Variants in STK11 observed in about 807,000 individuals in gnomAD.
STK11 encodes serine/threonine-protein kinase STK11.
Under a neutral mutation model 47.3 loss-of-function variants are expected in STK11, and 8 were observed. That is an observed-to-expected ratio of 0.17 (90% CI 0.10 to 0.31). The LOEUF (loss-of-function observed/expected upper bound fraction) is 0.31. STK11 is among the 10% of genes least tolerant of loss of function. The pLI, the probability that STK11 is intolerant of heterozygous loss-of-function variation, is 1.00. For synonymous variants in STK11, 330 were observed against 255.8 expected, an observed-to-expected ratio of 1.29 and a Z score of -2.77; for missense variants, 475 against 605.0, an observed-to-expected ratio of 0.79 and a Z score of 2.25.
At chr19:1,225,461 G>C (rs1193236221) in intron 8 of STK11, 1 of 831,730 alleles carries the variant, frequency 1.2e-6, no homozygotes, top group African/African-American at 1.8e-5. Flanking sequence ...GTAGAGACGG[G>C]GGTTTCACCA....
At chr19:1,221,873 G>A (rs2080786707) in intron 6 of STK11, 76 bp from the exon 7 acceptor site, 1 of 1,511,682 alleles carries the variant, frequency 6.6e-7, no homozygotes. Context: ...GACAACAGAG[G>A]CTGGGCAGGC....
rs759751510 is a variant in STK11, at chr19:1,207,159, G to A, written c.246G>A (p.Lys82=). The change falls in exon 1 of 10, where the codon AAG becomes AAA. Residue 82 remains lysine (K), a synonymous_variant. Transcript: ENST00000326873. The part of the protein sequence containing the change: ...LCRRAVKILK[K]KKLRRIPNGE... ...GGAGGGCCGTCAAGATCCTCAAGAA[G>A]AAGAAGTTGCGAAGGATCCCCAACG... 9 of 1,612,344 alleles carry A rather than the reference G, an allele frequency of 5.6e-6. No homozygotes were observed. Among genetic ancestry groups the A allele is most frequent in the South Asian group, 2.2e-5 (2 of 90,818 alleles).
At chr19:1,217,671 A>G (rs1462617155) in intron 1 of STK11, among the ~76,000 whole-genome samples, 3 of 151,920 alleles carry the variant, frequency 2.0e-5, no homozygotes, top group South Asian at 2.1e-4. Flanking sequence ...GCCCCTTCCT[A>G]TGGGCCATCC....
At chr19:1,226,337 G>A (rs1049897276) in intron 8 of STK11, 117 bp from the exon 9 acceptor site, 2 of 1,499,460 alleles carry the variant, frequency 1.3e-6, no homozygotes, top group African/African-American at 2.8e-5. Context: ...TGACCCGGGG[G>A]CGGGCATGGC....
At chr19:1,222,865 A>T in intron 7 of STK11, 120 bp from the exon 8 acceptor site, 1 of 1,210,864 alleles carries the variant, frequency 8.3e-7, no homozygotes, top group Non-Finnish European at 1.1e-6. Context: ...CACCCCTTGC[A>T]CGGCCTGGTC....
chr19:1,206,342 G>T lies in STK11; in HGVS notation c.-572G>T, dbSNP rs2080664798. On this transcript the variant is annotated 5_prime_UTR_variant, in exon 1 of 10. Transcript: ENST00000326873. ...CGCCCCCCGGGAGGTCCGCTCGGTC[G>T]TCCGCGGCGGAGCGTTTGCTCCTGG... The T allele has an allele frequency of 4.3e-6, 1 of 230,240 alleles. No homozygotes were observed. The highest frequency in any genetic ancestry group is 8.6e-6 in the Non-Finnish European group (1 of 116,226). The allele number at this position is 230,240 out of a possible 1,614,324, so 14.3% of individuals were successfully genotyped here. A position where few individuals can be genotyped will look rare whatever the true frequency, so the allele number is the denominator to read the frequency against.
At chr19:1,221,865 C>T in intron 6 of STK11, 84 bp from the exon 7 acceptor site, 1 of 1,500,870 alleles carries the variant, frequency 6.7e-7, no homozygotes, top group East Asian at 2.5e-5. Context: ...CAGGGCCTGA[C>T]AACAGAGGCT....
intron 9 of STK11, 28 bp from the exon 10 acceptor site, chr19:1,227,565 C>T (rs1335730454): frequency 2.8e-6 from 3 of 1,063,720 alleles, no homozygotes; most frequent in East Asian, 1.0e-4. Context: ...CCCAGGCTGA[C>T]CTCTTCCGTC....
In STK11 at chr19:1,227,764, T is replaced by C. The variant is rs2080836531; in HGVS notation, c.*188T>C. On this transcript the variant is annotated 3_prime_UTR_variant, in exon 10 of 10. Transcript: ENST00000326873. ...GGACAGCAGGGACCGGGCGCAGCCCTCCCCCCTCGGCCGCCCGGCAGTGCA... is the reference window on the plus strand; with the variant it reads ...GGACAGCAGGGACCGGGCGCAGCCCCCCCCCCTCGGCCGCCCGGCAGTGCA... 2.8e-6 allele frequency: 3 copies of C among 1,073,142 alleles called. No homozygotes were observed. The highest frequency in any genetic ancestry group is 1.1e-4 in the Admixed American group (2 of 18,792). 66.5% of individuals were successfully genotyped at this position (1,073,142 alleles called of 1,614,324 possible).
intron 1 of STK11, among the ~76,000 whole-genome samples, chr19:1,213,199 G>T (rs2080723629): frequency 1.3e-5 from 2 of 149,822 alleles, no homozygotes; most frequent in Admixed American, 1.3e-4. Context: ...GGGTTTCACT[G>T]TGTTAGCCAG....
chr19:1,226,846 T>A (rs1286324414), intron 9 of STK11, 183 bp downstream of exon 9: 2 of 722,610 alleles, frequency 2.8e-6, no homozygotes, highest in Non-Finnish European at 4.2e-6. Context: ...TCTCGGGGCC[T>A]GGTGTCTGGC....
chr19:1,207,327 C>T (rs929832794), intron 1 of STK11, 124 bp downstream of exon 1: 1 of 1,325,548 alleles, frequency 7.5e-7, no homozygotes, highest in Non-Finnish European at 1.0e-6. Context: ...CTGGACCCGT[C>T]TGGCGCCTGT....
chr19:1,221,539 C>G, intron 6 of STK11, 199 bp downstream of exon 6: 2 of 845,564 alleles, frequency 2.4e-6, no homozygotes, highest in Non-Finnish European at 3.5e-6. Context: ...GGGCCCTGTT[C>G]ACCCTCCGAA....
chr19:1,211,836 TGGACCTATGGTAAAGA>T (rs1457733419), intron 1 of STK11, among the ~76,000 whole-genome samples: 1 of 152,210 alleles, frequency 6.6e-6, no homozygotes, highest in African/African-American at 2.4e-5. Flanking sequence ...GGCAGATGCT[TGGACCTATGGTAAAGA>T]GGATTTTCGC....
At chr19:1,211,314 G>A (rs2080708474) in intron 1 of STK11, among the ~76,000 whole-genome samples, 1 of 152,146 alleles carries the variant, frequency 6.6e-6, no homozygotes, top group Admixed American at 6.5e-5. Context: ...AATAAAATCA[G>A]TGCCATAGGC....
In STK11 at chr19:1,219,999, C is replaced by T. The variant is rs1021475961; in HGVS notation, c.465-374C>T. 7 of 245,172 alleles carry T rather than the reference C, an allele frequency of 2.9e-5. No homozygotes were observed. The Admixed American group carries it at 3.5e-4, about 12-fold the overall frequency. The allele number at this position is 245,172 out of a possible 1,614,324, so 15.2% of individuals were successfully genotyped here. A position where few individuals can be genotyped will look rare whatever the true frequency, so the allele number is the denominator to read the frequency against. ...AGCCCATCGCTGGCAGCCGCCTGCC[C>T]TGACCAGATCTCCTGGATGCAGGTC... On this transcript the variant is annotated intron_variant, in intron 3 of 9. Transcript: ENST00000326873.
intron 9 of STK11, 117 bp from the exon 10 acceptor site, chr19:1,227,476 C>T: frequency 9.6e-7 from 1 of 1,038,556 alleles, no homozygotes; most frequent in Non-Finnish European, 1.2e-6. Context: ...CCTGCTGCCC[C>T]CCAGGAGTCC....
At chr19:1,225,704 G>T in intron 8 of STK11, 1 of 985,660 alleles carries the variant, frequency 1.0e-6, no homozygotes, top group East Asian at 1.1e-4. Flanking sequence ...CTCTGGGGCA[G>T]CCCGGGGCGG....
chr19:1,216,619 C>G (rs1440770020), intron 1 of STK11, among the ~76,000 whole-genome samples: 2 of 151,486 alleles, frequency 1.3e-5, no homozygotes, highest in African/African-American at 4.9e-5. Flanking sequence ...GTCATCCCAG[C>G]GTTTTCCGAG....
Sources: gnomAD v4.1 joint callset for allele counts (sites outside exome capture counted in the v4.1 genomes callset) on GRCh38, gnomAD v4.1.1 for gene constraint, MANE v1.5 for transcripts, NCBI Gene and HGNC (gene_info 2026-07-23, HGNC 2026-07-21) for gene names.